Variants in VPS13C observed in about 807,000 individuals in gnomAD.
The protein encoded by VPS13C is vacuolar protein sorting 13 homolog C.
A neutral mutation model predicts 456.8 loss-of-function variants in VPS13C; 358 were observed. The ratio of observed to expected loss-of-function variants is 0.78; its 90% CI spans 0.72 to 0.86. VPS13C has a LOEUF of 0.86. VPS13C is among the 40% of genes least tolerant of loss of function. VPS13C has a pLI of 0.00. For synonymous variants in VPS13C, 1,578 were observed against 1,486.7 expected (o/e 1.06, Z -1.41); for missense variants, 4,818 against 4,385.4 (o/e 1.10, Z -2.79).
At chr15:61,972,296 A>G (rs1276429370) in intron 27 of VPS13C, among the ~76,000 whole-genome samples, 2 of 152,234 alleles carry the variant, frequency 1.3e-5, no homozygotes, top group Non-Finnish European at 2.9e-5. Flanking sequence ...TTAAAAGTGA[A>G]AAGTTTAAAA....
chr15:62,024,995 G>C (rs1293223252), intron 6 of VPS13C, among the ~76,000 whole-genome samples: 1 of 152,058 alleles, frequency 6.6e-6, no homozygotes, highest in Non-Finnish European at 1.5e-5. Flanking sequence ...CCCAGGGCCT[G>C]TACCTTACAC....
Position 62,044,331 on chromosome 15 carries a change from C to T in VPS13C, c.101-76G>A. 2.3e-6 allele frequency: 2 copies of T among 874,352 alleles called. 1 individual carries two copies. The highest frequency in any genetic ancestry group is 3.5e-5 in the African/African-American group (2 of 57,360). The allele number at this position is 874,352 out of a possible 1,614,324, so 54.2% of individuals were successfully genotyped here. On this transcript the variant is annotated intron_variant, in intron 1 of 84. Transcript: ENST00000644861. ...AAACCTATCACAATGTAGTACCAAG[C>T]ACTAAGAAACTGGGCTAAGTGCTAA... is the stretch of plus-strand genomic sequence containing the variant.
At position 61,950,951 on chromosome 15, in the gene VPS13C, C is replaced by T. The variant is rs1231489718; in HGVS notation, c.4530G>A (p.Leu1510=). The T allele has an allele frequency of 6.3e-7, 1 of 1,594,360 alleles. No homozygotes were observed. The change falls in exon 40 of 85, where the codon CTG becomes CTA. Residue 1510 remains leucine, a synonymous_variant. Transcript: ENST00000644861. ...TAGAAATGAAACTAGTTACCTTTGTCAGTAACATTTTCAGAAGGGGTTCGT... is the reference window on the plus strand; with the variant it reads ...TAGAAATGAAACTAGTTACCTTTGTTAGTAACATTTTCAGAAGGGGTTCGT... ...VTDEPLLKML[L]TKADSDGPEF...
rs541511797 is a variant in VPS13C, at chr15:62,057,556, A to G, written c.100+2719T>C. ...AAAATAAAAGGCAGCAAAGCTTTAC[A>G]GAGGCAGAGTTGTGAGCTGATAAAG... On this transcript the variant is annotated intron_variant, in intron 1 of 84. Transcript: ENST00000644861. Among the ~76,000 whole-genome samples, 228 of 152,344 alleles carry G rather than the reference A, an allele frequency of 1.5e-3. 2 individuals are homozygous for G. Among genetic ancestry groups the G allele is most frequent in the African/African-American group, 5.4e-3 (226 of 41,580 alleles).
chr15:61,969,881 T>C (rs2045493613), intron 27 of VPS13C, among the ~76,000 whole-genome samples: 1 of 152,114 alleles, frequency 6.6e-6, no homozygotes, highest in Non-Finnish European at 1.5e-5. Context: ...ATTTAGCCAA[T>C]AAAAAATAAA....
At chr15:61,910,431 A>T in intron 63 of VPS13C, 126 bp from the exon 64 acceptor site, 1 of 717,722 alleles carries the variant, frequency 1.4e-6, no homozygotes, top group Non-Finnish European at 1.9e-6. Context: ...TTCTAAAAAT[A>T]TGTCCTCTAC....
intron 66 of VPS13C, among the ~76,000 whole-genome samples, chr15:61,897,811 A>G (rs571167412): frequency 6.6e-6 from 1 of 152,314 alleles, no homozygotes; most frequent in Non-Finnish European, 1.5e-5. Context: ...CAGATTCACC[A>G]AAGTTGCAAT....
At chr15:61,965,809 C>A (rs2045359215) in intron 30 of VPS13C, among the ~76,000 whole-genome samples, 1 of 151,758 alleles carries the variant, frequency 6.6e-6, no homozygotes, top group South Asian at 2.1e-4. Flanking sequence ...CCTTTTAGTT[C>A]TTTGTACATC....
intron 67 of VPS13C, 96 bp from the exon 68 acceptor site, chr15:61,884,365 T>C (rs949522784): frequency 1.9e-5 from 25 of 1,304,484 alleles, no homozygotes; most frequent in African/African-American, 9.1e-5. Context: ...TATTTTCCTA[T>C]GAAAATTACA....
At chr15:62,047,298 G>C (rs2048442572) in intron 1 of VPS13C, among the ~76,000 whole-genome samples, 1 of 151,944 alleles carries the variant, frequency 6.6e-6, no homozygotes, top group African/African-American at 2.4e-5. Flanking sequence ...CATGGGCATG[G>C]TGGCATGAGC....
chr15:61,980,183 C>CAAAAAAAAAAAAAA (rs71125960), intron 22 of VPS13C, among the ~76,000 whole-genome samples: 2 of 45,258 alleles, frequency 4.4e-5, no homozygotes, highest in African/African-American at 1.4e-4. Context: ...GACCCCATCT[C>CAAAAAAAAAAAAAA]AAAAAAAAAA....
chr15:61,941,789 G>A lies in VPS13C; in HGVS notation c.5427C>T (p.Ile1809=), dbSNP rs148320887. The A allele has an allele frequency of 1.4e-5, 23 of 1,612,364 alleles. No individual in the cohort carries two copies. The Middle Eastern group carries it at 5.1e-4, about 36-fold the overall frequency. ...SLPPVIDKMN[I]ELTQLKLSRT... ...TTGACAGCTTCAACTGAGTGAGTTCGATGTTCATTTTATCAATGACTGGAG... is the reference window on the plus strand; with the variant it reads ...TTGACAGCTTCAACTGAGTGAGTTCAATGTTCATTTTATCAATGACTGGAG... Residue 1809 remains isoleucine (I), a synonymous_variant, in exon 46 of 85, where the codon ATC becomes ATT. Transcript: ENST00000644861.
intron 16 of VPS13C, among the ~76,000 whole-genome samples, chr15:61,998,175 C>A (rs1446475134): frequency 1.3e-5 from 2 of 152,156 alleles, no homozygotes; most frequent in African/African-American, 4.8e-5. Context: ...CTGGTTATAC[C>A]TTTCCCTTAG....
chr15:62,011,092 G>A (rs1258231299), intron 12 of VPS13C, among the ~76,000 whole-genome samples: 1 of 152,006 alleles, frequency 6.6e-6, no homozygotes, highest in Admixed American at 6.6e-5. Flanking sequence ...TAATCATTAC[G>A]TATATAACCT....
intron 67 of VPS13C, among the ~76,000 whole-genome samples, chr15:61,885,735 T>C (rs1380311018): frequency 6.6e-6 from 1 of 152,288 alleles, no homozygotes; most frequent in African/African-American, 2.4e-5. Context: ...TAAGTCTTTT[T>C]CTGTTCCACA....
intron 77 of VPS13C, 114 bp downstream of exon 77, chr15:61,874,762 T>C (rs1029190575): frequency 2.0e-5 from 18 of 910,908 alleles, no homozygotes; most frequent in Non-Finnish European, 2.8e-5. Context: ...TAAAAGGGAT[T>C]ATTAAGAAAG....
chr15:61,890,497 G>C (rs2140070554), intron 66 of VPS13C, 97 bp from the exon 67 acceptor site: 2 of 1,067,522 alleles, frequency 1.9e-6, no homozygotes, highest in East Asian at 5.2e-5. Flanking sequence ...AGTTTAAGAA[G>C]CACTACTATA....
chr15:61,920,599 A>C lies in VPS13C; in HGVS notation c.7111T>G (p.Phe2371Val), dbSNP rs1481442726. The C allele has an allele frequency of 6.3e-7, 1 of 1,594,946 alleles. No individual in the cohort carries two copies. Among genetic ancestry groups the C allele is most frequent in the East Asian group, 2.3e-5 (1 of 44,350 alleles). ...ATTGCCATTTGTGGCTCAGGAATAA[A>C]ATCATCTCCTGGCAGCAAACTTTTA... ...QDKSLLPGDDFIPEPQMAIHI... is the reference protein window; with the variant it reads ...QDKSLLPGDDVIPEPQMAIHI... The change falls in exon 56 of 85, where the codon TTT becomes GTT. Residue 2371 changes from phenylalanine (F) to valine (V), a missense_variant. Around this residue, in one of 3 missense-constraint regions of VPS13C, gnomAD observed 4,552 missense variants for 4,130.6 expected, o/e 1.10. Transcript: ENST00000644861.
intron 3 of VPS13C, among the ~76,000 whole-genome samples, chr15:62,038,167 G>GA (rs2048126577): frequency 6.6e-6 from 1 of 152,072 alleles, no homozygotes; most frequent in Admixed American, 6.6e-5. Context: ...CATAAAACCT[G>GA]AAACTATAAA....
Sources: gnomAD v4.1 joint callset for allele counts (sites outside exome capture counted in the v4.1 genomes callset) on GRCh38, gnomAD v4.1.1 for gene constraint, gnomAD v4.1.1 regional missense constraint, MANE v1.5 for transcripts, NCBI Gene and HGNC (gene_info 2026-07-23, HGNC 2026-07-21) for gene names.